Variants in NCOA1 observed in about 807,000 individuals in gnomAD.
The protein encoded by NCOA1 is nuclear receptor coactivator 1.
In NCOA1, 35 loss-of-function variants were observed where a neutral mutation model predicts 150.9. The observed-to-expected ratio is 0.23, with a 90% CI of 0.18 to 0.31. The LOEUF (loss-of-function observed/expected upper bound fraction) is 0.31, where lower values mean the gene tolerates loss of function less well. NCOA1 is among the 10% of genes least tolerant of loss of function. The probability of loss-of-function intolerance (pLI) is 1.00; values close to 1 mark genes in which losing one functional copy is unlikely to be tolerated. For missense variants in NCOA1, 1,491 were observed against 1,749.3 expected (o/e 0.85, Z 2.63); for synonymous variants, 590 against 630.0 (o/e 0.94, Z 0.95).
Position 24,729,804 on chromosome 2 carries a change from G to T in NCOA1, c.3190G>T (p.Gly1064Ter). The T allele has an allele frequency of 6.2e-7, 1 of 1,612,234 alleles. No individual in the cohort carries two copies. The highest frequency in any genetic ancestry group is 1.1e-5 in the South Asian group (1 of 91,040). Residue 1064 changes from glycine (G) to a stop codon, truncating the protein, a stop_gained, in exon 17 of 23, where the codon GGA (glycine) becomes TGA (stop). Coordinates refer to ENST00000348332, the MANE Select transcript of NCOA1 (RefSeq NM_003743.5). LOFTEE classifies it high-confidence loss of function. ...ACTTCAACTACAGCAGCGATTACAG[G>T]GACAACAGCAGGTAAGTGCTCTTGT... ...LRLQLQQRLQ[G>*]QQQLIHQNRQ...
At chr2:24,739,910 T>A (rs1236418967) in intron 18 of NCOA1, among the ~76,000 whole-genome samples, 2 of 152,098 alleles carry the variant, frequency 1.3e-5, no homozygotes, top group Non-Finnish European at 2.9e-5. Flanking sequence ...TTAACTATCT[T>A]GTGTACTATG....
At chr2:24,493,682 C>T (rs909940909) in intron 1 of NCOA1, among the ~76,000 whole-genome samples, 8 of 151,844 alleles carry the variant, frequency 5.3e-5, no homozygotes, top group Admixed American at 2.0e-4. Context: ...CTTCTTCCTG[C>T]CTCTTTCTGC....
chr2:24,508,057 GC>G (rs745474958), intron 1 of NCOA1, among the ~76,000 whole-genome samples: 1 of 152,106 alleles, frequency 6.6e-6, no homozygotes, highest in East Asian at 1.9e-4. Flanking sequence ...ACAAGGAGGA[GC>G]TATAATTTTT....
chr2:24,519,903 T>G (rs1664352325), intron 1 of NCOA1, among the ~76,000 whole-genome samples: 1 of 152,168 alleles, frequency 6.6e-6, no homozygotes, highest in South Asian at 2.1e-4. Flanking sequence ...TATATAGAGT[T>G]ATCAAAGCTC....
At chr2:24,613,174 G>T (rs969919698) in intron 3 of NCOA1, among the ~76,000 whole-genome samples, 1 of 151,878 alleles carries the variant, frequency 6.6e-6, no homozygotes, top group African/African-American at 2.4e-5. Flanking sequence ...TGCTTCTATA[G>T]CCTATGTACT....
At chr2:24,539,887 T>TC (rs1665318525) in intron 1 of NCOA1, among the ~76,000 whole-genome samples, 2 of 152,208 alleles carry the variant, frequency 1.3e-5, no homozygotes. Flanking sequence ...AGCTTCAACA[T>TC]CTATGTATTC....
At chr2:24,648,298 G>C (rs1425967606) in intron 4 of NCOA1, among the ~76,000 whole-genome samples, 1 of 151,532 alleles carries the variant, frequency 6.6e-6, no homozygotes, top group Admixed American at 6.6e-5. Context: ...TTTTGAGACG[G>C]TGTCTCACTG....
intron 1 of NCOA1, among the ~76,000 whole-genome samples, chr2:24,492,815 C>G (rs1055625729): frequency 6.6e-6 from 1 of 152,128 alleles, no homozygotes; most frequent in Non-Finnish European, 1.5e-5. Context: ...AGGGCTGGTG[C>G]TTACATTTCA....
At chr2:24,577,224 A>G (rs1432097582) in intron 2 of NCOA1, among the ~76,000 whole-genome samples, 2 of 100,082 alleles carry the variant, frequency 2.0e-5, no homozygotes, top group African/African-American at 6.6e-5. Flanking sequence ...TCTCTACTCA[A>G]ATGAATGAGT....
At chr2:24,575,945 A>G (rs868337161) in intron 2 of NCOA1, among the ~76,000 whole-genome samples, 1 of 151,994 alleles carries the variant, frequency 6.6e-6, no homozygotes, top group African/African-American at 2.4e-5. Context: ...ATGCCCTTTA[A>G]GACTTGTTTT....
At chr2:24,747,404 A>G (rs1255482751) in intron 19 of NCOA1, among the ~76,000 whole-genome samples, 1 of 138,378 alleles carries the variant, frequency 7.2e-6, no homozygotes, top group Admixed American at 8.3e-5. Context: ...ATCATGGCTC[A>G]CTGCAGTGTC....
At chr2:24,620,760 G>A (rs1669110320) in intron 3 of NCOA1, among the ~76,000 whole-genome samples, 2 of 152,232 alleles carry the variant, frequency 1.3e-5, no homozygotes, top group African/African-American at 4.8e-5. Flanking sequence ...TTATACAAAT[G>A]TGTTAAGATG....
intron 1 of NCOA1, among the ~76,000 whole-genome samples, chr2:24,555,173 C>T (rs1413033355): frequency 3.3e-5 from 5 of 152,128 alleles, no homozygotes. Flanking sequence ...TTAATTTTCA[C>T]TCAATTAAAA....
intron 1 of NCOA1, among the ~76,000 whole-genome samples, chr2:24,535,412 G>T (rs901207946): frequency 6.6e-6 from 1 of 152,092 alleles, no homozygotes; most frequent in Non-Finnish European, 1.5e-5. Flanking sequence ...CAGTTTGCCA[G>T]TCTGTGTCTT....
At chr2:24,671,378 CA>C (rs1374850755) in intron 6 of NCOA1, among the ~76,000 whole-genome samples, 1 of 152,048 alleles carries the variant, frequency 6.6e-6, no homozygotes, top group Non-Finnish European at 1.5e-5. Context: ...GTGTAGTAGC[CA>C]GGGGCAGTGG....
chr2:24,586,144 C>T (rs576434690), intron 3 of NCOA1, among the ~76,000 whole-genome samples: 9 of 151,750 alleles, frequency 5.9e-5, no homozygotes, highest in African/African-American at 1.2e-4. Flanking sequence ...GGCGTGGTGG[C>T]GGGCTCCTGT....
chr2:24,730,356 A>T (rs1662941397), intron 17 of NCOA1, among the ~76,000 whole-genome samples: 1 of 152,230 alleles, frequency 6.6e-6, no homozygotes, highest in South Asian at 2.1e-4. Context: ...CTAATAAAGC[A>T]CTTAGAGACC....
In NCOA1 at chr2:24,589,141, A is replaced by G. The variant is rs568321511; in HGVS notation, c.-175+4581A>G. Among the ~76,000 whole-genome samples, 112 of 152,276 alleles carry G rather than the reference A, an allele frequency of 7.4e-4. 1 individual carries two copies. The highest frequency in any genetic ancestry group is 2.6e-3 in the African/African-American group (107 of 41,540). On this transcript the variant is annotated intron_variant, in intron 3 of 22. Transcript: ENST00000348332. ...TGTGTGACCTTGTAGTGGTGGAAGC[A>G]CACCAAGACCCTCAATCTATCTACT...
intron 6 of NCOA1, among the ~76,000 whole-genome samples, chr2:24,667,895 A>T (rs1192100040): frequency 3.3e-5 from 5 of 152,222 alleles, no homozygotes; most frequent in Non-Finnish European, 7.3e-5. Flanking sequence ...AAACAGAAAA[A>T]AAAATCTATG....
Sources: allele counts gnomAD v4.1 joint callset (sites outside exome capture counted in the v4.1 genomes callset), GRCh38; gene constraint gnomAD v4.1.1; transcripts MANE v1.5; gene names NCBI Gene and HGNC (gene_info 2026-07-23, HGNC 2026-07-21).